CIMIP6: variants seen among roughly 807,000 people sequenced by gnomAD.
CIMIP6 encodes uncharacterized protein C2orf73.
the CIMIP6 span, among the ~76,000 whole-genome samples, chr2:54,364,156 G>A: frequency 6.6e-6 from 1 of 152,110 alleles, no homozygotes; most frequent in Non-Finnish European, 1.5e-5. Context: ...AATGCAAAGG[G>A]TGTGTCTCTC....
At chr2:54,365,138 C>T in the CIMIP6 span, among the ~76,000 whole-genome samples, 1 of 152,162 alleles carries the variant, frequency 6.6e-6, no homozygotes, top group South Asian at 2.1e-4. Context: ...GTTATCTCCT[C>T]CCATTAGCCT....
chr2:54,335,576 G>T, the CIMIP6 span, among the ~76,000 whole-genome samples: 1 of 152,150 alleles, frequency 6.6e-6, no homozygotes, highest in Non-Finnish European at 1.5e-5. Context: ...AGGGCTGTTG[G>T]TTTAGCCAAA....
At chr2:54,337,754 G>T in the CIMIP6 span, among the ~76,000 whole-genome samples, 1 of 152,188 alleles carries the variant, frequency 6.6e-6, no homozygotes, top group Non-Finnish European at 1.5e-5. Context: ...ATCATTATTA[G>T]CACTGGACCT....
the CIMIP6 span, among the ~76,000 whole-genome samples, chr2:54,355,727 T>G: frequency 1.3e-5 from 2 of 152,184 alleles, no homozygotes; most frequent in African/African-American, 4.8e-5. Flanking sequence ...TTTTTTTGTT[T>G]CAACTGTTAT....
At chr2:54,341,345 T>G in the CIMIP6 span, among the ~76,000 whole-genome samples, 1 of 152,206 alleles carries the variant, frequency 6.6e-6, no homozygotes, top group African/African-American at 2.4e-5. Context: ...CTCTTCTGCC[T>G]TCCACCATGT....
chr2:54,332,728 C>A, the CIMIP6 span, among the ~76,000 whole-genome samples: 3 of 152,204 alleles, frequency 2.0e-5, no homozygotes, highest in Non-Finnish European at 2.9e-5. Flanking sequence ...TCCTTTTCTT[C>A]AAGGACTTGA....
chr2:54,355,563 C>T, the CIMIP6 span, among the ~76,000 whole-genome samples: 1 of 151,846 alleles, frequency 6.6e-6, no homozygotes, highest in Non-Finnish European at 1.5e-5. Flanking sequence ...ATATTTCCTT[C>T]CCTTCCCTCT....
the CIMIP6 span, chr2:54,360,486 C>G: frequency 6.4e-7 from 1 of 1,574,180 alleles, no homozygotes; most frequent in African/African-American, 1.4e-5. Flanking sequence ...ACCTCAGGCG[C>G]CACTCAAACA....
chr2:54,380,212 G>C, the CIMIP6 span, among the ~76,000 whole-genome samples: 3 of 152,216 alleles, frequency 2.0e-5, no homozygotes, highest in East Asian at 5.8e-4. Flanking sequence ...CTCAGTGCTT[G>C]TATTTATGAT....
chr2:54,356,050 G>C, the CIMIP6 span, among the ~76,000 whole-genome samples: 2 of 151,468 alleles, frequency 1.3e-5, no homozygotes, highest in African/African-American at 4.9e-5. Context: ...AGAGCTTCTG[G>C]TATCACAAAA....
At chr2:54,330,944 A>C in the CIMIP6 span, 1 of 1,611,010 alleles carries the variant, frequency 6.2e-7, no homozygotes, top group Non-Finnish European at 8.5e-7. Flanking sequence ...TCTTCCCAGG[A>C]GGCTCCTCGC....
At chr2:54,366,272 T>C in the CIMIP6 span, among the ~76,000 whole-genome samples, 421 of 152,320 alleles carry the variant, frequency 2.8e-3, 3 homozygotes, top group African/African-American at 9.7e-3. Context: ...AATTCAGCTG[T>C]GATAGTTTAA....
chr2:54,382,530 A>AT, the CIMIP6 span, among the ~76,000 whole-genome samples: 1 of 151,682 alleles, frequency 6.6e-6, no homozygotes, highest in Admixed American at 6.6e-5. Context: ...ATGCCCTTTT[A>AT]TTTTTCCACT....
At chr2:54,331,012 G>A in the CIMIP6 span, 1 of 1,613,588 alleles carries the variant, frequency 6.2e-7, no homozygotes, top group Non-Finnish European at 8.5e-7. Context: ...GTAAGTGCTG[G>A]GGTTTGGTGT....
chr2:54,348,144 G>C, the CIMIP6 span, among the ~76,000 whole-genome samples: 1 of 152,076 alleles, frequency 6.6e-6, no homozygotes, highest in African/African-American at 2.4e-5. Flanking sequence ...TATAATATTG[G>C]TTCAGTATTA....
the CIMIP6 span, among the ~76,000 whole-genome samples, chr2:54,352,920 C>A: frequency 2.0e-5 from 3 of 152,242 alleles, no homozygotes; most frequent in East Asian, 5.8e-4. Context: ...ATAGAGAGCA[C>A]CAACTGTACA....
At chr2:54,358,594 A>C in the CIMIP6 span, among the ~76,000 whole-genome samples, 2,337 of 152,046 alleles carry the variant, frequency 0.015, 57 homozygotes, top group African/African-American at 0.054. Flanking sequence ...GGGTTTCACC[A>C]TGTTCCCCAG....
the CIMIP6 span, among the ~76,000 whole-genome samples, chr2:54,354,450 A>G: frequency 6.6e-6 from 1 of 152,186 alleles, no homozygotes; most frequent in Non-Finnish European, 1.5e-5. Flanking sequence ...ATAAAATGCT[A>G]TCATCCTATT....
the CIMIP6 span, among the ~76,000 whole-genome samples, chr2:54,333,087 T>C: frequency 9.2e-5 from 14 of 152,300 alleles, no homozygotes; most frequent in African/African-American, 3.4e-4. Flanking sequence ...ATAATGGCAG[T>C]CCATTTACCT....
Sources: gnomAD v4.1 joint callset for allele counts (sites outside exome capture counted in the v4.1 genomes callset) on GRCh38, gnomAD v4.1.1 for gene constraint, MANE v1.5 for transcripts, NCBI Gene and HGNC (gene_info 2026-07-23, HGNC 2026-07-21) for gene names.